Variants in CDC42BPB observed in about 807,000 individuals in gnomAD.
CDC42BPB encodes the protein CDC42 binding protein kinase beta, also known as serine/threonine-protein kinase MRCK beta.
In CDC42BPB, 37 loss-of-function variants were observed where a neutral mutation model predicts 214.9. The ratio of observed to expected loss-of-function variants is 0.17; its 90% CI spans 0.13 to 0.23. The LOEUF (loss-of-function observed/expected upper bound fraction) is 0.23, where lower values mean the gene tolerates loss of function less well. Among genes scored for constraint, CDC42BPB ranks in the 10% least tolerant of loss-of-function variants. The pLI, the probability that CDC42BPB is intolerant of heterozygous loss-of-function variation, is 1.00. For missense variants in CDC42BPB, 1,694 were observed against 2,227.0 expected, an observed-to-expected ratio of 0.76 and a Z score of 4.82; for synonymous variants, 931 against 884.0, an observed-to-expected ratio of 1.05 and a Z score of -0.94.
chr14:102,939,751 G>A lies in CDC42BPB; in HGVS notation c.4710-24C>T, dbSNP rs779495697. Reference sequence around the variant, plus strand: ...CTCTGGGGAAAGGACACACTTTTGAGATTCATGGATACGTGAGAATCCTCT... The same window carrying A: ...CTCTGGGGAAAGGACACACTTTTGAAATTCATGGATACGTGAGAATCCTCT... On this transcript the variant is annotated intron_variant, in intron 33 of 36. Transcript: ENST00000361246. The A allele has an allele frequency of 8.1e-6, 13 of 1,614,138 alleles. No homozygotes were observed. The South Asian group carries it at 1.4e-4, about 18-fold the overall frequency.
chr14:102,978,387 C>A, intron 8 of CDC42BPB, 182 bp from the exon 9 acceptor site: 1 of 975,210 alleles, frequency 1.0e-6, no homozygotes, highest in Non-Finnish European at 1.2e-6. Flanking sequence ...TTTCTCAAGC[C>A]TGGCCCTGTA....
chr14:103,021,777 A>C (rs1241041865), intron 1 of CDC42BPB, among the ~76,000 whole-genome samples: 1 of 151,986 alleles, frequency 6.6e-6, no homozygotes, highest in Non-Finnish European at 1.5e-5. Flanking sequence ...GGTGGGCCAG[A>C]GCGGGGGTCG....
chr14:103,056,847 G>A (rs1207721158), intron 1 of CDC42BPB, 152 bp downstream of exon 1: 5 of 502,572 alleles, frequency 9.9e-6, no homozygotes, highest in Non-Finnish European at 1.7e-5. Context: ...GCCTGGGGGC[G>A]CTGCCAGAGC....
At chr14:102,939,158 C>G (rs982053849) in intron 34 of CDC42BPB, among the ~76,000 whole-genome samples, 1 of 152,120 alleles carries the variant, frequency 6.6e-6, no homozygotes, top group African/African-American at 2.4e-5. Flanking sequence ...CCAGGATGGT[C>G]TCGATCTCCT....
chr14:102,992,509 G>A (rs1894539960), intron 5 of CDC42BPB, among the ~76,000 whole-genome samples: 1 of 152,184 alleles, frequency 6.6e-6, no homozygotes, highest in South Asian at 2.1e-4. Flanking sequence ...GAGGAGCAGT[G>A]ACTGCTGCCG....
intron 1 of CDC42BPB, among the ~76,000 whole-genome samples, chr14:103,035,028 T>G (rs1887590230): frequency 6.6e-6 from 1 of 151,996 alleles, no homozygotes; most frequent in Admixed American, 6.6e-5. Flanking sequence ...AATACCACCA[T>G]TCAATAGGGG....
chr14:102,941,562 A>ACACG, intron 30 of CDC42BPB: 1 of 985,328 alleles, frequency 1.0e-6, no homozygotes, highest in Non-Finnish European at 1.2e-6. Flanking sequence ...ACCACTCTCC[A>ACACG]CACGGGCTTC....
intron 6 of CDC42BPB, among the ~76,000 whole-genome samples, chr14:102,984,139 C>T (rs879499657): frequency 6.6e-6 from 1 of 152,202 alleles, no homozygotes; most frequent in African/African-American, 2.4e-5. Context: ...AACTCTTGTA[C>T]ACATGGTCTG....
chr14:102,969,356 T>C (rs1893368492), intron 14 of CDC42BPB, among the ~76,000 whole-genome samples: 1 of 152,098 alleles, frequency 6.6e-6, no homozygotes, highest in Non-Finnish European at 1.5e-5. Flanking sequence ...GCTGGACAGC[T>C]GCGGAGCCAC....
intron 20 of CDC42BPB, among the ~76,000 whole-genome samples, chr14:102,961,158 C>T (rs567159021): frequency 2.8e-5 from 4 of 142,196 alleles, no homozygotes; most frequent in African/African-American, 1.0e-4. Flanking sequence ...CAGAGCAAGA[C>T]CCTGAATCAA....
intron 1 of CDC42BPB, among the ~76,000 whole-genome samples, chr14:103,050,844 T>G (rs1175764413): frequency 1.3e-5 from 2 of 152,108 alleles, no homozygotes; most frequent in Non-Finnish European, 2.9e-5. Context: ...AAATTAACAC[T>G]GGGAATCACC....
At chr14:103,032,630 C>CT (rs35712321) in intron 1 of CDC42BPB, among the ~76,000 whole-genome samples, 1,428 of 109,010 alleles carry the variant, frequency 0.013, 25 homozygotes, top group African/African-American at 0.029. Flanking sequence ...AACAAATCCA[C>CT]TTTTTTTTTT....
chr14:102,978,301 G>C, intron 8 of CDC42BPB, 96 bp from the exon 9 acceptor site: 2 of 1,566,478 alleles, frequency 1.3e-6, no homozygotes, highest in Admixed American at 3.6e-5. Flanking sequence ...AGGAGGCACT[G>C]GGCAGAACAT....
chr14:103,006,230 C>A (rs570519445), intron 3 of CDC42BPB, among the ~76,000 whole-genome samples: 1 of 152,196 alleles, frequency 6.6e-6, no homozygotes, highest in Admixed American at 6.5e-5. Flanking sequence ...TGTGCCTGAC[C>A]TCCTGTCTTC....
intron 5 of CDC42BPB, among the ~76,000 whole-genome samples, chr14:102,993,189 A>G (rs1894574815): frequency 6.6e-6 from 1 of 152,192 alleles, no homozygotes; most frequent in Non-Finnish European, 1.5e-5. Context: ...AGTGTCTACT[A>G]TACATATTTA....
At chr14:102,986,654 G>A in intron 5 of CDC42BPB, 74 bp from the exon 6 acceptor site, 3 of 1,559,184 alleles carry the variant, frequency 1.9e-6, no homozygotes, top group Non-Finnish European at 2.6e-6. Flanking sequence ...CTTAACTAGT[G>A]GTGATCAGAT....
At chr14:102,998,829 G>A (rs994664267) in intron 5 of CDC42BPB, among the ~76,000 whole-genome samples, 3 of 152,140 alleles carry the variant, frequency 2.0e-5, no homozygotes, top group Non-Finnish European at 4.4e-5. Flanking sequence ...GAGGGCCCCA[G>A]GCCCCACACG....
At position 103,043,937 on chromosome 14, in the gene CDC42BPB, T is replaced by C. The variant is rs140645252; in HGVS notation, c.175+13062A>G. On this transcript the variant is annotated intron_variant, in intron 1 of 36. Transcript: ENST00000361246. Reference sequence around the variant, plus strand: ...ATCCAGGCTTATCATTTTGGTTACATAAAACCATGTCAATGTCTGATGTTT... The same window carrying C: ...ATCCAGGCTTATCATTTTGGTTACACAAAACCATGTCAATGTCTGATGTTT... 1.8e-4 allele frequency among the ~76,000 whole-genome samples: 27 copies of C among 152,344 alleles called. No homozygotes were observed. The East Asian group carries it at 3.3e-3, about 18-fold the overall frequency.
In CDC42BPB at chr14:103,010,087, A is replaced by G. The variant is rs139650123; in HGVS notation, c.268-1532T>C. ...GGTTGCTTGAGCCCAGGAGTTCAAG[A>G]TCAGTCTGGGCAACATAGTGACACC... On this transcript the variant is annotated intron_variant, in intron 2 of 36. Transcript: ENST00000361246. Among the ~76,000 whole-genome samples, 1,379 of 152,198 alleles carry G rather than the reference A, an allele frequency of 9.1e-3. 22 individuals are homozygous for G. Among genetic ancestry groups the G allele is most frequent in the African/African-American group, 0.031 (1,291 of 41,504 alleles).
Sources: allele counts gnomAD v4.1 joint callset (sites outside exome capture counted in the v4.1 genomes callset), GRCh38; gene constraint gnomAD v4.1.1; transcripts MANE v1.5; gene names NCBI Gene and HGNC (gene_info 2026-07-23, HGNC 2026-07-21).